Variants in RYR2 observed in about 807,000 individuals in gnomAD.
The protein encoded by RYR2 is ryanodine receptor 2.
In RYR2, 227 loss-of-function variants were observed where a neutral mutation model predicts 601.1. The ratio of observed to expected loss-of-function variants is 0.38; its 90% CI spans 0.34 to 0.42. The LOEUF is 0.42. Among genes scored for constraint, RYR2 ranks in the 10% least tolerant of loss-of-function variants. The probability of loss-of-function intolerance (pLI) is 1.00; values close to 1 mark genes in which losing one functional copy is unlikely to be tolerated. For missense variants in RYR2, 4,646 were observed against 6,156.5 expected, an observed-to-expected ratio of 0.75 and a Z score of 8.21; for synonymous variants, 2,223 against 2,175.1, an observed-to-expected ratio of 1.02 and a Z score of -0.61.
At chr1:237,482,592 C>A (rs1055604010) in intron 17 of RYR2, among the ~76,000 whole-genome samples, 9 of 152,204 alleles carry the variant, frequency 5.9e-5, no homozygotes, top group Admixed American at 5.9e-4. Flanking sequence ...TTTTCTTTAT[C>A]CATTCATCTG....
intron 11 of RYR2, among the ~76,000 whole-genome samples, chr1:237,419,169 T>C (rs1331853935): frequency 2.0e-5 from 3 of 152,122 alleles, no homozygotes; most frequent in Non-Finnish European, 4.4e-5. Flanking sequence ...CGAGAGGTTG[T>C]ATTGACCTTG....
intron 2 of RYR2, among the ~76,000 whole-genome samples, chr1:237,278,918 A>G (rs1690570086): frequency 2.0e-5 from 3 of 152,244 alleles, no homozygotes; most frequent in Non-Finnish European, 1.5e-5. Context: ...AATAACTGCC[A>G]GTTAAACTAA....
intron 2 of RYR2, among the ~76,000 whole-genome samples, chr1:237,307,246 A>G (rs541445631): frequency 6.6e-6 from 1 of 152,272 alleles, no homozygotes; most frequent in South Asian, 2.1e-4. Flanking sequence ...GAAGAATCTA[A>G]ACTTTAGAGA....
intron 44 of RYR2, among the ~76,000 whole-genome samples, chr1:237,637,277 G>A (rs1680974591): frequency 6.6e-6 from 1 of 152,154 alleles, no homozygotes; most frequent in Non-Finnish European, 1.5e-5. Context: ...AACTCAATTT[G>A]CTTGATAAGT....
chr1:237,409,603 A>G (rs1481896559), intron 10 of RYR2, among the ~76,000 whole-genome samples: 1 of 152,128 alleles, frequency 6.6e-6, no homozygotes, highest in Non-Finnish European at 1.5e-5. Context: ...CATTTATAAT[A>G]TATTTTGTTT....
At chr1:237,689,991 C>T (rs1331335331) in intron 63 of RYR2, among the ~76,000 whole-genome samples, 6 of 151,940 alleles carry the variant, frequency 3.9e-5, no homozygotes, top group Non-Finnish European at 8.8e-5. Flanking sequence ...ATTACAGGCA[C>T]ACGCCACCAC....
At chr1:237,710,013 A>G (rs1439021384) in intron 70 of RYR2, among the ~76,000 whole-genome samples, 3 of 152,200 alleles carry the variant, frequency 2.0e-5, no homozygotes, top group Non-Finnish European at 2.9e-5. Flanking sequence ...TTTGGCTCAC[A>G]TTTTAGAATC....
At chr1:237,377,528 A>G (rs1701142083) in intron 8 of RYR2, 93 bp downstream of exon 8, 2 of 926,940 alleles carry the variant, frequency 2.2e-6, no homozygotes, top group African/African-American at 1.6e-5. Flanking sequence ...TAAATTATCT[A>G]TGAAAATTGC....
At chr1:237,664,458 G>A (rs752255041) in intron 56 of RYR2, among the ~76,000 whole-genome samples, 3 of 152,196 alleles carry the variant, frequency 2.0e-5, no homozygotes, top group Non-Finnish European at 4.4e-5. Context: ...AGTTCCACGT[G>A]GCTGCGGAGG....
intron 15 of RYR2, among the ~76,000 whole-genome samples, chr1:237,454,934 G>A (rs1286103969): frequency 6.6e-6 from 1 of 152,096 alleles, no homozygotes; most frequent in African/African-American, 2.4e-5. Flanking sequence ...AAAGCATCAG[G>A]GTTTTCAAAC....
At chr1:237,055,906 A>C (rs752900240) in intron 1 of RYR2, among the ~76,000 whole-genome samples, 4 of 152,168 alleles carry the variant, frequency 2.6e-5, no homozygotes, top group Non-Finnish European at 5.9e-5. Flanking sequence ...TGGTGTGAAG[A>C]TACACAGGGA....
At chr1:237,387,522 A>C in intron 9 of RYR2, 142 bp downstream of exon 9, 1 of 706,664 alleles carries the variant, frequency 1.4e-6, no homozygotes, top group South Asian at 1.9e-5. Flanking sequence ...CTGACATTTG[A>C]GGATCTTGTT....
intron 2 of RYR2, among the ~76,000 whole-genome samples, chr1:237,271,722 C>T (rs942241587): frequency 2.0e-5 from 3 of 152,120 alleles, no homozygotes; most frequent in African/African-American, 7.2e-5. Flanking sequence ...CAAGTTATTC[C>T]TACGTATGGT....
chr1:237,579,248 CTTTTTTTTTTTTTTTTTT>C (rs546960253), intron 29 of RYR2, among the ~76,000 whole-genome samples: 4 of 68,094 alleles, frequency 5.9e-5, no homozygotes, highest in Non-Finnish European at 1.2e-4. Context: ...TCTTCTTCTT[CTTTTTTTTTTTTTTTTTT>C]TTTTTTTGAG....
intron 12 of RYR2, among the ~76,000 whole-genome samples, chr1:237,427,333 C>T (rs898956152): frequency 6.6e-6 from 1 of 152,108 alleles, no homozygotes; most frequent in Non-Finnish European, 1.5e-5. Flanking sequence ...ATGGCCCACT[C>T]TATTTGCTTA....
At chr1:237,375,923 C>T (rs766555442) in intron 7 of RYR2, among the ~76,000 whole-genome samples, 5 of 152,164 alleles carry the variant, frequency 3.3e-5, no homozygotes, top group Admixed American at 6.5e-5. Flanking sequence ...TTTCTCCCTG[C>T]GTCCTGATTT....
chr1:237,500,200 GA>G (rs1468288740), intron 20 of RYR2, among the ~76,000 whole-genome samples: 2 of 152,108 alleles, frequency 1.3e-5, no homozygotes, highest in Non-Finnish European at 1.5e-5. Flanking sequence ...TTTAGCATTT[GA>G]AAAAGGGACT....
chr1:237,480,294 C>A (rs571283471), intron 17 of RYR2, among the ~76,000 whole-genome samples: 1 of 147,324 alleles, frequency 6.8e-6, no homozygotes, highest in Non-Finnish European at 1.5e-5. Context: ...TGGCATGCGC[C>A]TGTTGTCCCA....
At chr1:237,219,492 C>T (rs12564189) in intron 1 of RYR2, among the ~76,000 whole-genome samples, 4,341 of 152,196 alleles carry the variant, frequency 0.029, 233 homozygotes, top group East Asian at 0.23. Flanking sequence ...GAGACGTCTA[C>T]TTAAGTCTTA....
Sources: allele counts gnomAD v4.1 joint callset (sites outside exome capture counted in the v4.1 genomes callset), GRCh38; gene constraint gnomAD v4.1.1; transcripts MANE v1.5; gene names NCBI Gene and HGNC (gene_info 2026-07-23, HGNC 2026-07-21).